BICC1: variants seen among roughly 807,000 people sequenced by gnomAD.
BICC1 encodes the protein BicC family RNA binding protein 1, also known as protein bicaudal C homolog 1.
A neutral mutation model predicts 111.0 loss-of-function variants in BICC1; 43 were observed. That is an observed-to-expected ratio of 0.39 (90% CI 0.30 to 0.50). BICC1 has a LOEUF of 0.50. BICC1 is among the 20% of genes least tolerant of loss of function. The pLI, the probability that BICC1 is intolerant of heterozygous loss-of-function variation, is 0.88. For synonymous variants in BICC1, 467 were observed against 434.4 expected (o/e 1.07, Z -0.93); for missense variants, 1,091 against 1,203.2 (o/e 0.91, Z 1.38).
In BICC1 at chr10:58,769,376, A is replaced by ATG. The variant is rs71006205; in HGVS notation, c.308-15597_308-15596dup. 4.7e-3 allele frequency among the ~76,000 whole-genome samples: 346 copies of ATG among 73,332 alleles called. 3 individuals carry two copies. Among genetic ancestry groups the ATG allele is most frequent in the African/African-American group, 6.2e-3 (159 of 25,624 alleles). 48.1% of individuals were successfully genotyped at this position (73,332 alleles called of 152,430 possible). A position where few individuals can be genotyped will look rare whatever the true frequency, so the allele number is the denominator to read the frequency against. On this transcript the variant is annotated intron_variant, in intron 3 of 20. Transcript: ENST00000373886. ...GATTGTGGTAATAGTTTTATAATGT[A>ATG]TGTGTGTGTGTGTGTGTGTGTGTGT...
intron 1 of BICC1, among the ~76,000 whole-genome samples, chr10:58,530,983 T>C (rs936565974): frequency 1.3e-5 from 2 of 151,750 alleles, no homozygotes; most frequent in Non-Finnish European, 2.9e-5. Flanking sequence ...CCAAGAACCA[T>C]GGTTTTGAAA....
At chr10:58,563,902 T>C (rs1843681115) in intron 1 of BICC1, among the ~76,000 whole-genome samples, 1 of 115,650 alleles carries the variant, frequency 8.6e-6, no homozygotes, top group African/African-American at 2.7e-5. Flanking sequence ...ATTTGAGTAC[T>C]CAAACACATA....
At chr10:58,552,996 C>T (rs1843338853) in intron 1 of BICC1, among the ~76,000 whole-genome samples, 1 of 151,950 alleles carries the variant, frequency 6.6e-6, no homozygotes, top group South Asian at 2.1e-4. Context: ...GCTAAGTGTT[C>T]CTGTGTTTAT....
chr10:58,554,647 C>T (rs1328095231), intron 1 of BICC1, among the ~76,000 whole-genome samples: 1 of 151,930 alleles, frequency 6.6e-6, no homozygotes, highest in Non-Finnish European at 1.5e-5. Context: ...ACTAGAACAG[C>T]ATTTGTATAA....
intron 1 of BICC1, among the ~76,000 whole-genome samples, chr10:58,532,422 T>C (rs935610766): frequency 6.6e-6 from 1 of 151,844 alleles, no homozygotes; most frequent in African/African-American, 2.4e-5. Context: ...ATTCTGCTAT[T>C]ACTGAGGCAA....
chr10:58,812,995 C>T (rs1349798464), intron 17 of BICC1, among the ~76,000 whole-genome samples: 1 of 152,018 alleles, frequency 6.6e-6, no homozygotes, highest in African/African-American at 2.4e-5. Flanking sequence ...AAACTTGGGG[C>T]CTGGGGTGTC....
chr10:58,756,723 A>C (rs1168244038), intron 3 of BICC1, among the ~76,000 whole-genome samples: 1 of 150,436 alleles, frequency 6.6e-6, no homozygotes, highest in Non-Finnish European at 1.5e-5. Context: ...CTTTGTGAGG[A>C]AGCGTAGCAG....
intron 9 of BICC1, among the ~76,000 whole-genome samples, chr10:58,794,165 T>TGTG (rs777477278): frequency 7.2e-6 from 1 of 138,228 alleles, no homozygotes; most frequent in Non-Finnish European, 1.6e-5. Context: ...CTTACATGTT[T>TGTG]TGTGTGTGTG....
intron 1 of BICC1, among the ~76,000 whole-genome samples, chr10:58,579,305 C>T (rs1201974951): frequency 6.6e-6 from 1 of 152,190 alleles, no homozygotes; most frequent in Non-Finnish European, 1.5e-5. Context: ...GACACTTTAA[C>T]TTTATTTTTG....
intron 8 of BICC1, 69 bp downstream of exon 8, chr10:58,790,002 C>T: frequency 2.6e-6 from 4 of 1,533,142 alleles, no homozygotes; most frequent in Non-Finnish European, 3.6e-6. Context: ...TTTTTCCATC[C>T]ACTGTACTAA....
chr10:58,774,304 C>T (rs894771501), intron 3 of BICC1, among the ~76,000 whole-genome samples: 3 of 152,162 alleles, frequency 2.0e-5, no homozygotes, highest in African/African-American at 7.2e-5. Flanking sequence ...TTTTTTTTAG[C>T]TAATTGAGAA....
intron 14 of BICC1, among the ~76,000 whole-genome samples, chr10:58,801,760 C>T (rs1208583798): frequency 1.3e-5 from 2 of 152,078 alleles, no homozygotes; most frequent in Non-Finnish European, 2.9e-5. Flanking sequence ...TCCTCCCATT[C>T]TTATTAAAAT....
intron 19 of BICC1, among the ~76,000 whole-genome samples, chr10:58,818,060 T>C (rs1196974888): frequency 1.3e-5 from 2 of 152,204 alleles, no homozygotes; most frequent in Non-Finnish European, 2.9e-5. Flanking sequence ...TTTAACATGA[T>C]TTCATTTTGA....
At chr10:58,535,265 G>A (rs562051125) in intron 1 of BICC1, among the ~76,000 whole-genome samples, 4 of 151,702 alleles carry the variant, frequency 2.6e-5, no homozygotes, top group African/African-American at 7.2e-5. Flanking sequence ...CAAAAAGGAC[G>A]TCACCAAAGA....
intron 2 of BICC1, among the ~76,000 whole-genome samples, chr10:58,625,974 A>G (rs970310237): frequency 2.6e-5 from 4 of 152,234 alleles, no homozygotes; most frequent in African/African-American, 9.6e-5. Context: ...ACTCTGGCTC[A>G]TGAATGTGCT....
At chr10:58,634,920 A>T (rs565947604) in intron 2 of BICC1, among the ~76,000 whole-genome samples, 3 of 152,330 alleles carry the variant, frequency 2.0e-5, no homozygotes, top group Non-Finnish European at 2.9e-5. Flanking sequence ...GTGGAAGTGG[A>T]TCATCATAAA....
chr10:58,664,079 C>T (rs1214985286), intron 2 of BICC1, among the ~76,000 whole-genome samples: 1 of 152,114 alleles, frequency 6.6e-6, no homozygotes, highest in African/African-American at 2.4e-5. Context: ...TGTATGAGTG[C>T]CTTGGAGTGT....
rs76108663 is a variant in BICC1, at chr10:58,670,962, T to C, written c.238-31112T>C. Reference sequence around the variant, plus strand: ...ACCCCATAGAGCAGGCACTGTATGTTTCCATTTATATGATATTCTAGAACA... The same window carrying C: ...ACCCCATAGAGCAGGCACTGTATGTCTCCATTTATATGATATTCTAGAACA... On this transcript the variant is annotated intron_variant, in intron 2 of 20. Coordinates refer to ENST00000373886, the MANE Select transcript of BICC1 (RefSeq NM_001080512.3). 1.9e-4 allele frequency among the ~76,000 whole-genome samples: 29 copies of C among 152,246 alleles called. 1 individual carries two copies. The highest frequency in any genetic ancestry group is 7.0e-4 in the African/African-American group (29 of 41,542).
intron 3 of BICC1, among the ~76,000 whole-genome samples, chr10:58,761,392 G>T (rs567745714): frequency 1.1e-4 from 16 of 152,302 alleles, no homozygotes; most frequent in Admixed American, 8.5e-4. Context: ...ATGAGTCAGT[G>T]AAAGATTTTA....
Sources: gnomAD v4.1 joint callset for allele counts (sites outside exome capture counted in the v4.1 genomes callset) on GRCh38, gnomAD v4.1.1 for gene constraint, MANE v1.5 for transcripts, NCBI Gene and HGNC (gene_info 2026-07-23, HGNC 2026-07-21) for gene names.